RAB38: variants seen among roughly 807,000 people sequenced by gnomAD.
RAB38 encodes RAB38, member RAS oncogene family.
RAB38 carries 15 observed loss-of-function variants against 18.4 expected under a neutral mutation model. The observed-to-expected ratio is 0.82, with a 90% CI of 0.55 to 1.26. RAB38 has a LOEUF of 1.26. RAB38 is among the 50% of genes most tolerant of loss of function. The pLI is 0.00. For synonymous variants in RAB38, 101 were observed against 104.4 expected, an observed-to-expected ratio of 0.97 and a Z score of 0.20; for missense variants, 294 against 267.4, an observed-to-expected ratio of 1.10 and a Z score of -0.69.
chr11:88,032,108 TG>T, the RAB38 span, among the ~76,000 whole-genome samples: 1 of 151,564 alleles, frequency 6.6e-6, no homozygotes, highest in African/African-American at 2.4e-5. Flanking sequence ...TTGACAAACC[TG>T]AGAAAAACAA....
the RAB38 span, among the ~76,000 whole-genome samples, chr11:88,013,960 C>G: frequency 6.6e-6 from 1 of 152,106 alleles, no homozygotes; most frequent in African/African-American, 2.4e-5. Context: ...AGCAGCAGCA[C>G]TAGTGGTAAA....
chr11:87,954,704 C>T, the RAB38 span, among the ~76,000 whole-genome samples: 3 of 151,912 alleles, frequency 2.0e-5, no homozygotes, highest in Admixed American at 1.3e-4. Context: ...ATAGGCGAGC[C>T]CGGGAGCAGG....
At chr11:88,085,925 G>C in the RAB38 span, among the ~76,000 whole-genome samples, 3 of 151,874 alleles carry the variant, frequency 2.0e-5, no homozygotes, top group Admixed American at 6.6e-5. Flanking sequence ...GGTAAATTCA[G>C]GGACAAAATC....
chr11:87,833,088 C>T, the RAB38 span, among the ~76,000 whole-genome samples: 1 of 152,098 alleles, frequency 6.6e-6, no homozygotes, highest in Non-Finnish European at 1.5e-5. Flanking sequence ...TGTTCTTGCT[C>T]CTTTCTAATC....
At chr11:87,965,037 T>C in the RAB38 span, among the ~76,000 whole-genome samples, 1 of 152,176 alleles carries the variant, frequency 6.6e-6, no homozygotes, top group African/African-American at 2.4e-5. Flanking sequence ...CTTTGTTATA[T>C]GGGATTGTTT....
At chr11:87,908,408 C>T in the RAB38 span, among the ~76,000 whole-genome samples, 1 of 152,096 alleles carries the variant, frequency 6.6e-6, no homozygotes, top group African/African-American at 2.4e-5. Flanking sequence ...TGTGGGTGAA[C>T]ACTCCTTTGG....
At chr11:88,005,052 C>T in the RAB38 span, among the ~76,000 whole-genome samples, 2 of 151,240 alleles carry the variant, frequency 1.3e-5, no homozygotes, top group African/African-American at 2.4e-5. Context: ...TGTAAATTTT[C>T]CCCAAAGCAA....
At chr11:87,950,727 G>A in the RAB38 span, among the ~76,000 whole-genome samples, 1 of 152,168 alleles carries the variant, frequency 6.6e-6, no homozygotes, top group Non-Finnish European at 1.5e-5. Flanking sequence ...ACTCTCTTCT[G>A]GCTTGTAGAG....
At chr11:88,072,293 T>C in the RAB38 span, among the ~76,000 whole-genome samples, 27 of 152,204 alleles carry the variant, frequency 1.8e-4, no homozygotes, top group Non-Finnish European at 3.2e-4. Flanking sequence ...ATCAGCAGAC[T>C]GGACACAGCC....
the RAB38 span, among the ~76,000 whole-genome samples, chr11:88,022,611 CAAAAAAAAAA>C: frequency 1.9e-5 from 1 of 52,092 alleles, no homozygotes; most frequent in Non-Finnish European, 3.4e-5. Context: ...AAAGACCCCA[CAAAAAAAAAA>C]AAAAAAAAAA....
the RAB38 span, among the ~76,000 whole-genome samples, chr11:88,007,456 A>C: frequency 6.6e-6 from 1 of 152,060 alleles, no homozygotes; most frequent in African/African-American, 2.4e-5. Flanking sequence ...CAGATACTTC[A>C]TCAAACAAGA....
At chr11:88,154,112 A>G (rs1382906349) in intron 1 of RAB38, among the ~76,000 whole-genome samples, 1 of 152,182 alleles carries the variant, frequency 6.6e-6, no homozygotes, top group Non-Finnish European at 1.5e-5. Flanking sequence ...AAGCATGCCA[A>G]GGGAAAGCAC....
chr11:88,005,375 T>A, the RAB38 span, among the ~76,000 whole-genome samples: 1 of 146,684 alleles, frequency 6.8e-6, no homozygotes, highest in East Asian at 2.1e-4. Context: ...ACAAGGCAAT[T>A]CAATGAAGGA....
chr11:87,950,956 T>TCCTGGATAATATCCTG, the RAB38 span, among the ~76,000 whole-genome samples: 1 of 152,224 alleles, frequency 6.6e-6, no homozygotes, highest in Non-Finnish European at 1.5e-5. Context: ...GGGGAAGTTC[T>TCCTGGATAATATCCTG]CCTGGATAAT....
rs1565217102 is a variant in RAB38 at position 88,149,930 on chromosome 11, C to CG, written c.227dup (p.Arg77GlufsTer23). The CG allele has an allele frequency of 6.2e-7, 1 of 1,611,144 alleles. No individual in the cohort carries two copies. Among genetic ancestry groups the CG allele is most frequent in the African/African-American group, 1.3e-5 (1 of 74,634 alleles). On this transcript the variant is annotated frameshift_variant, in exon 2 of 3. Transcript: ENST00000243662. LOFTEE classifies it high-confidence loss of function. ...CCATAGCTTCTCGGTAATAGACCCT[C>CG]GTCATGTTTCCAAATCTTTCTTGAC...
the RAB38 span, among the ~76,000 whole-genome samples, chr11:87,869,043 C>T: frequency 6.6e-6 from 1 of 151,692 alleles, no homozygotes; most frequent in Non-Finnish European, 1.5e-5. Flanking sequence ...GCTCTTGATT[C>T]ACTTTTTCTA....
intron 1 of RAB38, among the ~76,000 whole-genome samples, chr11:88,161,241 T>G (rs1383739542): frequency 2.0e-5 from 3 of 152,116 alleles, no homozygotes; most frequent in African/African-American, 7.2e-5. Flanking sequence ...AAACGCATCC[T>G]AAATTACTTT....
chr11:87,859,352 G>A, the RAB38 span, among the ~76,000 whole-genome samples: 1 of 151,888 alleles, frequency 6.6e-6, no homozygotes. Flanking sequence ...AGGGTGGTTT[G>A]TAAAAAAATG....
At chr11:87,872,496 ATTTACG>A in the RAB38 span, among the ~76,000 whole-genome samples, 1 of 151,434 alleles carries the variant, frequency 6.6e-6, no homozygotes. Flanking sequence ...TTCACTCTTA[ATTTACG>A]TTCTATGGGT....
Sources: gnomAD v4.1 joint callset for allele counts (sites outside exome capture counted in the v4.1 genomes callset) on GRCh38, gnomAD v4.1.1 for gene constraint, MANE v1.5 for transcripts, NCBI Gene and HGNC (gene_info 2026-07-23, HGNC 2026-07-21) for gene names.